Variants in DLG2 observed in about 807,000 individuals in gnomAD.
The protein encoded by DLG2 is discs large MAGUK scaffold protein 2.
DLG2 carries 45 observed loss-of-function variants against 132.5 expected under a neutral mutation model. That is an observed-to-expected ratio of 0.34 (90% confidence interval 0.27 to 0.44). DLG2 has a LOEUF of 0.44. Among genes scored for constraint, DLG2 ranks in the 20% least tolerant of loss-of-function variants. DLG2 has a pLI of 1.00. For synonymous variants in DLG2, 424 were observed against 419.6 expected (o/e 1.01, Z -0.13); for missense variants, 1,045 against 1,196.9 (o/e 0.87, Z 1.87).
intron 6 of DLG2, among the ~76,000 whole-genome samples, chr11:84,856,945 A>G (rs1201882989): frequency 2.0e-5 from 3 of 152,012 alleles, no homozygotes; most frequent in Admixed American, 2.0e-4. Flanking sequence ...AAGAACCAAA[A>G]GTATGTTTTG....
intron 11 of DLG2, among the ~76,000 whole-genome samples, chr11:83,981,680 A>G (rs993541348): frequency 3.1e-4 from 47 of 152,064 alleles, no homozygotes; most frequent in Admixed American, 1.3e-4. Flanking sequence ...CAGGTGATCC[A>G]CCTAACTTGG....
At chr11:84,912,667 A>G (rs763787649) in intron 6 of DLG2, among the ~76,000 whole-genome samples, 2 of 152,232 alleles carry the variant, frequency 1.3e-5, no homozygotes, top group Non-Finnish European at 2.9e-5. Context: ...TTTTCAACCC[A>G]GGCTTTCTAC....
chr11:83,508,389 ACCACG>A (rs1411330576), intron 21 of DLG2, among the ~76,000 whole-genome samples: 1 of 125,122 alleles, frequency 8.0e-6, no homozygotes, highest in Non-Finnish European at 1.6e-5. Flanking sequence ...GGTGCACACC[ACCACG>A]CCTGGCTAAT....
intron 21 of DLG2, among the ~76,000 whole-genome samples, chr11:83,510,566 G>A (rs192896590): frequency 1.3e-5 from 2 of 152,230 alleles, no homozygotes; most frequent in African/African-American, 4.8e-5. Flanking sequence ...GATGCATCAC[G>A]GGGATTAGGA....
chr11:84,389,828 CTCATGAACATTTT>C (rs1429932772), intron 7 of DLG2, among the ~76,000 whole-genome samples: 1 of 152,088 alleles, frequency 6.6e-6, no homozygotes, highest in East Asian at 1.9e-4. Context: ...TCAAACTCAA[CTCATGAACATTTT>C]TAAACACTTC....
intron 17 of DLG2, among the ~76,000 whole-genome samples, chr11:83,801,265 T>A (rs1317034932): frequency 6.6e-6 from 1 of 152,012 alleles, no homozygotes; most frequent in Non-Finnish European, 1.5e-5. Context: ...TACAGTAGCC[T>A]CGATGGGTCC....
chr11:84,600,172 G>GAAAGAAAGAAAA (rs2099572851), intron 6 of DLG2, among the ~76,000 whole-genome samples: 1 of 120,624 alleles, frequency 8.3e-6, no homozygotes, highest in African/African-American at 3.6e-5. Context: ...AAGAAAGAAA[G>GAAAGAAAGAAAA]AAAGAAAGAA....
intron 7 of DLG2, among the ~76,000 whole-genome samples, chr11:84,285,517 G>T (rs776291991): frequency 1.3e-5 from 2 of 152,098 alleles, no homozygotes; most frequent in Non-Finnish European, 2.9e-5. Flanking sequence ...TCTCCAGAAT[G>T]CTCTCCCACT....
intron 7 of DLG2, among the ~76,000 whole-genome samples, chr11:84,333,942 G>T (rs184722151): frequency 1.3e-5 from 2 of 152,208 alleles, no homozygotes; most frequent in Non-Finnish European, 2.9e-5. Flanking sequence ...GAAGACGTGA[G>T]TGTCATGTGT....
intron 4 of DLG2, among the ~76,000 whole-genome samples, chr11:85,209,475 A>G (rs2082115041): frequency 1.2e-5 from 1 of 83,566 alleles, no homozygotes; most frequent in Admixed American, 1.5e-4. Flanking sequence ...TTTGAGACAG[A>G]GACTTTCTCC....
chr11:85,551,136 C>T lies in DLG2; in HGVS notation c.40+47521G>A, dbSNP rs568969232. Among the ~76,000 whole-genome samples the T allele has an allele frequency of 1.7e-3, 252 of 152,126 alleles. 4 individuals carry two copies. Among genetic ancestry groups the T allele is most frequent in the African/African-American group, 5.8e-3 (239 of 41,494 alleles). On this transcript the variant is annotated intron_variant, in intron 3 of 27. Coordinates refer to ENST00000376104, the MANE Select transcript of DLG2 (RefSeq NM_001142699.3). ...TTGAAAACACTTTCCCAGATGATTC[C>T]GATATATTAGTGCCCATTTCTATGA...
intron 4 of DLG2, among the ~76,000 whole-genome samples, chr11:85,253,369 G>A (rs11822356): frequency 0.022 from 3,346 of 152,306 alleles, 114 homozygotes; most frequent in African/African-American, 0.075. Context: ...TGACCCCTTT[G>A]TGGGTGGAAA....
intron 4 of DLG2, among the ~76,000 whole-genome samples, chr11:85,158,333 T>G (rs1413167297): frequency 6.6e-6 from 1 of 152,076 alleles, no homozygotes; most frequent in Admixed American, 6.6e-5. Context: ...TTGTAATAAT[T>G]TGTTTGTTTA....
At chr11:84,307,504 G>A (rs540801308) in intron 7 of DLG2, among the ~76,000 whole-genome samples, 3 of 152,060 alleles carry the variant, frequency 2.0e-5, no homozygotes, top group Non-Finnish European at 4.4e-5. Flanking sequence ...AGACCATCCT[G>A]GCTAACACGG....
intron 4 of DLG2, among the ~76,000 whole-genome samples, chr11:85,171,191 C>G (rs924947599): frequency 6.6e-6 from 1 of 152,130 alleles, no homozygotes; most frequent in African/African-American, 2.4e-5. Flanking sequence ...GAAGCGAATT[C>G]TGTACCTTCA....
chr11:84,375,432 C>T (rs1375803178), intron 7 of DLG2, among the ~76,000 whole-genome samples: 1 of 152,054 alleles, frequency 6.6e-6, no homozygotes, highest in Non-Finnish European at 1.5e-5. Flanking sequence ...GATAACATGG[C>T]ACACCATGTT....
At chr11:83,787,055 T>C (rs1280100888) in intron 17 of DLG2, among the ~76,000 whole-genome samples, 1 of 152,132 alleles carries the variant, frequency 6.6e-6, no homozygotes, top group Non-Finnish European at 1.5e-5. Context: ...GTGTATGCAT[T>C]TAATATGCCT....
At position 85,578,538 on chromosome 11, in the gene DLG2, T is replaced by C. The variant is rs184062515; in HGVS notation, c.40+20119A>G. ...AGCATCTATAAGGAACTTAAACAAA[T>C]TCAAGAAAAAAATACATTAAAAGGT... On this transcript the variant is annotated intron_variant, in intron 3 of 27. Transcript: ENST00000376104. Among the ~76,000 whole-genome samples, 12 of 151,840 alleles carry C rather than the reference T, an allele frequency of 7.9e-5. No individual in the cohort carries two copies. In the East Asian group the frequency reaches 2.3e-3, roughly 29 times the overall value.
intron 6 of DLG2, among the ~76,000 whole-genome samples, chr11:84,641,549 G>C (rs2099665278): frequency 6.6e-6 from 1 of 152,118 alleles, no homozygotes; most frequent in Non-Finnish European, 1.5e-5. Flanking sequence ...ACTCTGGGGT[G>C]CTCCAAACCT....
Sources: gnomAD v4.1 joint callset for allele counts (sites outside exome capture counted in the v4.1 genomes callset) on GRCh38, gnomAD v4.1.1 for gene constraint, MANE v1.5 for transcripts, NCBI Gene and HGNC (gene_info 2026-07-23, HGNC 2026-07-21) for gene names.